SLC35F4: variants seen among roughly 807,000 people sequenced by gnomAD.
SLC35F4 encodes the protein chromosome 14 open reading frame 36.
In SLC35F4, 24 loss-of-function variants were observed where a neutral mutation model predicts 44.2. The ratio of observed to expected loss-of-function variants is 0.54; its 90% CI spans 0.39 to 0.76. SLC35F4 has a LOEUF of 0.76. SLC35F4 is among the 30% of genes least tolerant of loss of function. The pLI is 0.00. For missense variants in SLC35F4, 562 were observed against 586.1 expected, an observed-to-expected ratio of 0.96 and a Z score of 0.42; for synonymous variants, 238 against 223.6, an observed-to-expected ratio of 1.06 and a Z score of -0.57.
intron 1 of SLC35F4, among the ~76,000 whole-genome samples, chr14:57,946,497 C>A (rs1335329241): frequency 2.5e-5 from 3 of 121,808 alleles, no homozygotes; most frequent in African/African-American, 6.4e-5. Flanking sequence ...TTTTTTGAGA[C>A]CGAGTCTCAC....
chr14:57,775,313 GCCACTGCTGCTGGCAC>G (rs2077463111), intron 1 of SLC35F4, among the ~76,000 whole-genome samples: 1 of 152,218 alleles, frequency 6.6e-6, no homozygotes, highest in Admixed American at 6.5e-5. Context: ...CACTGCTGCT[GCCACTGCTGCTGGCAC>G]CTGTAAACAA....
chr14:57,622,807 C>T (rs1355822370), intron 1 of SLC35F4, among the ~76,000 whole-genome samples: 1 of 151,630 alleles, frequency 6.6e-6, no homozygotes, highest in Non-Finnish European at 1.5e-5. Flanking sequence ...TATCCTAAAA[C>T]TTAAAGTATA....
chr14:57,737,778 G>A (rs1021483714), intron 1 of SLC35F4, among the ~76,000 whole-genome samples: 2 of 152,196 alleles, frequency 1.3e-5, no homozygotes, highest in Admixed American at 6.5e-5. Flanking sequence ...AGAGCAATTG[G>A]AACAAAACCA....
chr14:57,622,047 GC>G (rs1320541519), intron 1 of SLC35F4, among the ~76,000 whole-genome samples: 20 of 150,296 alleles, frequency 1.3e-4, no homozygotes, highest in Non-Finnish European at 1.5e-5. Context: ...CATTTATGCA[GC>G]CAAAAAACAC....
At chr14:57,732,107 GT>G (rs2076358268) in intron 1 of SLC35F4, among the ~76,000 whole-genome samples, 2 of 152,024 alleles carry the variant, frequency 1.3e-5, no homozygotes, top group African/African-American at 4.8e-5. Flanking sequence ...ATATTTCAAA[GT>G]TTTCTCTATA....
intron 1 of SLC35F4, among the ~76,000 whole-genome samples, chr14:57,607,878 G>T (rs1034909521): frequency 1.1e-4 from 17 of 152,150 alleles, no homozygotes; most frequent in Non-Finnish European, 1.9e-4. Context: ...ATATAAATTG[G>T]TAAATAATTG....
chr14:57,922,832 C>T (rs531981214), intron 1 of SLC35F4, among the ~76,000 whole-genome samples: 1 of 152,310 alleles, frequency 6.6e-6, no homozygotes, highest in South Asian at 2.1e-4. Flanking sequence ...TATCAGTTCC[C>T]TTCTTCCTCT....
intron 1 of SLC35F4, among the ~76,000 whole-genome samples, chr14:57,618,600 A>C (rs2071995246): frequency 6.6e-6 from 1 of 152,116 alleles, no homozygotes; most frequent in South Asian, 2.1e-4. Context: ...TTCAAGTACA[A>C]AACTGGGTGG....
chr14:57,587,211 A>G (rs1044894588), intron 3 of SLC35F4, among the ~76,000 whole-genome samples: 7 of 152,222 alleles, frequency 4.6e-5, no homozygotes, highest in African/African-American at 1.7e-4. Flanking sequence ...GAAGACAGAC[A>G]GTGTGGCAAT....
At chr14:57,689,601 C>T (rs2075167614) in intron 1 of SLC35F4, among the ~76,000 whole-genome samples, 1 of 152,014 alleles carries the variant, frequency 6.6e-6, no homozygotes, top group African/African-American at 2.4e-5. Flanking sequence ...TAAGAATTTT[C>T]AATGGCTACC....
intron 1 of SLC35F4, among the ~76,000 whole-genome samples, chr14:57,841,363 A>T (rs1386417252): frequency 6.6e-6 from 1 of 152,200 alleles, no homozygotes; most frequent in Non-Finnish European, 1.5e-5. Context: ...TAGGTTGGAC[A>T]TTAAGACAAA....
At chr14:57,869,262 T>A (rs188558885), upstream of SLC35F4, among the ~76,000 whole-genome samples, 23 of 152,150 alleles carry the variant, frequency 1.5e-4, no homozygotes, top group African/African-American at 5.5e-4. Context: ...TCACTTACAG[T>A]CCTTGTGTCT....
chr14:57,773,641 A>G (rs1396508265), intron 1 of SLC35F4, among the ~76,000 whole-genome samples: 1 of 145,084 alleles, frequency 6.9e-6, no homozygotes, highest in Non-Finnish European at 1.5e-5. Flanking sequence ...GATTTTTTAA[A>G]AGCAGAAAAT....
chr14:57,827,342 C>A (rs557953116), intron 1 of SLC35F4, among the ~76,000 whole-genome samples: 3 of 152,066 alleles, frequency 2.0e-5, no homozygotes, highest in African/African-American at 4.8e-5. Context: ...ACACTAGGAC[C>A]TTTCACGGGA....
intron 1 of SLC35F4, among the ~76,000 whole-genome samples, chr14:57,649,935 G>C (rs151187168): frequency 1.3e-5 from 2 of 151,958 alleles, no homozygotes; most frequent in African/African-American, 4.8e-5. Flanking sequence ...ATGTCTCAAC[G>C]CCTTCCTTCA....
intron 1 of SLC35F4, among the ~76,000 whole-genome samples, chr14:57,687,933 C>T (rs772032878): frequency 5.3e-5 from 8 of 152,168 alleles, no homozygotes; most frequent in Non-Finnish European, 1.2e-4. Context: ...AATTGTGGTA[C>T]TGGAAGATGA....
At chr14:57,788,869 G>A (rs1342473783) in intron 1 of SLC35F4, among the ~76,000 whole-genome samples, 3 of 152,040 alleles carry the variant, frequency 2.0e-5, no homozygotes, top group Admixed American at 2.0e-4. Flanking sequence ...ACTCAAAACC[G>A]CACAACTACA....
At chr14:57,800,383 G>A (rs1206053344) in intron 1 of SLC35F4, among the ~76,000 whole-genome samples, 1 of 152,134 alleles carries the variant, frequency 6.6e-6, no homozygotes, top group Non-Finnish European at 1.5e-5. Flanking sequence ...AAGACTGAAG[G>A]CAGCTAAGCC....
intron 1 of SLC35F4, among the ~76,000 whole-genome samples, chr14:57,621,547 G>C (rs1247948978): frequency 1.3e-5 from 2 of 152,142 alleles, no homozygotes; most frequent in East Asian, 3.9e-4. Context: ...TGACAAACCT[G>C]AGAAAAACAA....
Sources: gnomAD v4.1 joint callset for allele counts (sites outside exome capture counted in the v4.1 genomes callset) on GRCh38, gnomAD v4.1.1 for gene constraint, MANE v1.5 for transcripts, NCBI Gene and HGNC (gene_info 2026-07-23, HGNC 2026-07-21) for gene names.